SMARCAL1: variants seen among roughly 807,000 people sequenced by gnomAD.
SMARCAL1 encodes SNF2 related chromatin remodeling annealing helicase 1.
SMARCAL1 carries 58 observed loss-of-function variants against 94.5 expected under a neutral mutation model. The observed-to-expected ratio is 0.61, with a 90% CI of 0.50 to 0.76. SMARCAL1 has a LOEUF of 0.76. SMARCAL1 is among the 30% of genes least tolerant of loss of function. The pLI is 0.00. For synonymous variants in SMARCAL1, 422 were observed against 455.1 expected, an observed-to-expected ratio of 0.93 and a Z score of 0.93; for missense variants, 1,051 against 1,177.9, an observed-to-expected ratio of 0.89 and a Z score of 1.58.
At chr2:216,413,337 T>A (rs1693508302) in intron 1 of SMARCAL1, among the ~76,000 whole-genome samples, 1 of 152,228 alleles carries the variant, frequency 6.6e-6, no homozygotes, top group African/African-American at 2.4e-5. Flanking sequence ...CAAATTGGTG[T>A]GTCCTGCCCG....
chr2:216,462,056 A>G (rs1347960510), intron 12 of SMARCAL1, among the ~76,000 whole-genome samples: 1 of 152,182 alleles, frequency 6.6e-6, no homozygotes, highest in African/African-American at 2.4e-5. Flanking sequence ...GTTTTGGCAT[A>G]TTTAAAGGGG....
At chr2:216,420,197 C>A in intron 4 of SMARCAL1, 102 bp from the exon 5 acceptor site, 1 of 915,836 alleles carries the variant, frequency 1.1e-6, no homozygotes, top group Non-Finnish European at 1.7e-6. Flanking sequence ...GCCTCTTGAC[C>A]ATGTCCCTTC....
chr2:216,440,900 C>T (rs1050717039), intron 10 of SMARCAL1, among the ~76,000 whole-genome samples: 2 of 152,108 alleles, frequency 1.3e-5, no homozygotes, highest in Non-Finnish European at 2.9e-5. Flanking sequence ...CAGATGCCAC[C>T]GAATGTCCTC....
chr2:216,453,914 A>G (rs1279470535), intron 12 of SMARCAL1, among the ~76,000 whole-genome samples: 1 of 152,232 alleles, frequency 6.6e-6, no homozygotes, highest in Non-Finnish European at 1.5e-5. Flanking sequence ...ATAGAATGTA[A>G]TGTATAATCA....
At position 216,447,100 on chromosome 2, in the gene SMARCAL1, A is replaced by G. The variant is rs376199515; in HGVS notation, c.1793A>G (p.Lys598Arg). The G allele has an allele frequency of 5.0e-6, 8 of 1,613,928 alleles. No homozygotes were observed. The African/African-American group carries it at 1.1e-4, about 22-fold the overall frequency. The change falls in exon 11 of 18, where the codon AAG becomes AGG. Residue 598 changes from lysine to arginine, a missense_variant. Lys to Arg is a conservative substitution (Grantham distance 26). This residue lies in a region of SMARCAL1 where 642 missense variants were observed against 754.7 expected (regional missense o/e 0.85). Transcript: ENST00000357276. ...CTCTACACGCAGATCATCGCAGTCAAGCCAACTTTCTTCCCCCAGTTTCAT... is the reference window on the plus strand; with the variant it reads ...CTCTACACGCAGATCATCGCAGTCAGGCCAACTTTCTTCCCCCAGTTTCAT... ...AELYTQIIAV[K>R]PTFFPQFHAF...
Position 216,472,757 on chromosome 2 carries a change from C to G in SMARCAL1, c.2245-2512C>G, listed in dbSNP as rs190928591. On this transcript the variant is annotated intron_variant, in intron 14 of 17. Transcript: ENST00000357276. ...AAGATAACGAAAACACCCAATTTCA[C>G]TAGTAATCAAGTTAGTGAAAAATAA... Among the ~76,000 whole-genome samples the G allele has an allele frequency of 4.7e-5, 7 of 149,214 alleles. No homozygotes were observed. The East Asian group carries it at 1.4e-3, about 30-fold the overall frequency.
Position 216,444,897 on chromosome 2 carries a change from C to T in SMARCAL1, c.1711-2121C>T, listed in dbSNP as rs188151304. On this transcript the variant is annotated intron_variant, in intron 10 of 17. Coordinates refer to ENST00000357276, the MANE Select transcript of SMARCAL1 (RefSeq NM_014140.4). ...TTCTCTGTGGCGAATTATGTATACA[C>T]GAACTCAGCCTATTCTGCAGGGTTT... 3.1e-4 allele frequency among the ~76,000 whole-genome samples: 47 copies of T among 152,338 alleles called. 1 individual carries two copies. Among genetic ancestry groups the T allele is most frequent in the Non-Finnish European group, 1.3e-4 (9 of 68,046 alleles).
intron 13 of SMARCAL1, 129 bp downstream of exon 13, chr2:216,464,796 T>G: frequency 1.3e-6 from 1 of 751,980 alleles, no homozygotes; most frequent in Non-Finnish European, 2.3e-6. Flanking sequence ...TAAATGTGCC[T>G]TTTGTTGAGG....
At chr2:216,427,560 G>A (rs543203243) in intron 6 of SMARCAL1, 12 of 152,292 alleles carry the variant, frequency 7.9e-5, no homozygotes, top group African/African-American at 2.9e-4. Context: ...TAATTTGGAG[G>A]TATAAAATGT....
chr2:216,445,254 T>G (rs1694283976), intron 10 of SMARCAL1, among the ~76,000 whole-genome samples: 1 of 152,192 alleles, frequency 6.6e-6, no homozygotes, highest in East Asian at 1.9e-4. Flanking sequence ...CATACACACA[T>G]GTTGGGGCTG....
chr2:216,441,531 A>G (rs142397110), intron 10 of SMARCAL1, among the ~76,000 whole-genome samples: 7 of 152,358 alleles, frequency 4.6e-5, no homozygotes, highest in East Asian at 1.9e-4. Flanking sequence ...TTCAATAACT[A>G]TGGAGCATTT....
intron 5 of SMARCAL1, 58 bp downstream of exon 5, chr2:216,420,590 T>C: frequency 7.2e-7 from 1 of 1,381,392 alleles, no homozygotes; most frequent in South Asian, 1.2e-5. Flanking sequence ...GATCTCAACA[T>C]AGGGTGTTTT....
chr2:216,443,260 G>A lies in SMARCAL1; in HGVS notation c.1711-3758G>A, dbSNP rs534309514. ...TCTGCGCCTATAATCCCAGCTATAT[G>A]GGAGACTGAGGGAGGAGGGTCACTT... On this transcript the variant is annotated intron_variant, in intron 10 of 17. Coordinates refer to ENST00000357276, the MANE Select transcript of SMARCAL1 (RefSeq NM_014140.4). Among the ~76,000 whole-genome samples the A allele has an allele frequency of 7.3e-5, 11 of 151,550 alleles. No individual in the cohort carries two copies. The East Asian group carries it at 9.7e-4, about 13-fold the overall frequency.
chr2:216,464,127 A>G (rs1340131852), intron 12 of SMARCAL1, among the ~76,000 whole-genome samples: 2 of 152,340 alleles, frequency 1.3e-5, no homozygotes, highest in Non-Finnish European at 2.9e-5. Flanking sequence ...TAAATCTTGG[A>G]CAGAGGTAAG....
chr2:216,430,127 C>G (rs540522669), intron 7 of SMARCAL1, among the ~76,000 whole-genome samples: 7 of 152,272 alleles, frequency 4.6e-5, no homozygotes, highest in Non-Finnish European at 1.0e-4. Context: ...GAGAGAGGCT[C>G]TGTGTGTGAG....
chr2:216,449,799 A>G (rs1694402810), intron 11 of SMARCAL1, among the ~76,000 whole-genome samples: 3 of 151,870 alleles, frequency 2.0e-5, no homozygotes, highest in African/African-American at 7.3e-5. Context: ...TTCCATTTCC[A>G]GTAAGATTGT....
At chr2:216,453,810 A>G (rs1299950131) in intron 12 of SMARCAL1, among the ~76,000 whole-genome samples, 1 of 152,234 alleles carries the variant, frequency 6.6e-6, no homozygotes, top group East Asian at 1.9e-4. Flanking sequence ...GCCTGTCAAG[A>G]ATTGATTCTT....
chr2:216,432,897 C>T (rs367960364), intron 8 of SMARCAL1, 29 bp downstream of exon 8: 9 of 1,613,714 alleles, frequency 5.6e-6, no homozygotes, highest in Middle Eastern at 1.6e-4. Context: ...GCAGTTTTCA[C>T]AGAGAAGGTT....
chr2:216,437,247 A>G (rs1694099673), intron 9 of SMARCAL1, among the ~76,000 whole-genome samples: 1 of 152,172 alleles, frequency 6.6e-6, no homozygotes. Flanking sequence ...TTCTCCATAA[A>G]TACATTTTAC....
Sources: allele counts gnomAD v4.1 joint callset (sites outside exome capture counted in the v4.1 genomes callset), GRCh38; gene constraint gnomAD v4.1.1; regional missense constraint gnomAD v4.1.1; transcripts MANE v1.5; gene names NCBI Gene and HGNC (gene_info 2026-07-23, HGNC 2026-07-21).